CHN2: variants seen among roughly 807,000 people sequenced by gnomAD.
The protein encoded by CHN2 is chimerin 2.
A neutral mutation model predicts 56.3 loss-of-function variants in CHN2; 35 were observed. The ratio of observed to expected loss-of-function variants is 0.62; its 90% CI spans 0.47 to 0.82. The LOEUF is 0.82. Among genes scored for constraint, CHN2 ranks in the 40% least tolerant of loss-of-function variants. CHN2 has a pLI of 0.00. For missense variants in CHN2, 491 were observed against 580.5 expected, an observed-to-expected ratio of 0.85 and a Z score of 1.58; for synonymous variants, 210 against 212.8, an observed-to-expected ratio of 0.99 and a Z score of 0.12.
chr7:29,330,375 G>A (rs1046098504), intron 1 of CHN2, among the ~76,000 whole-genome samples: 1 of 152,172 alleles, frequency 6.6e-6, no homozygotes, highest in African/African-American at 2.4e-5. Flanking sequence ...TTCTGTGTGA[G>A]TACAGTTGGG....
Position 29,504,802 on chromosome 7 carries a change from CA to C in CHN2, c.976del (p.Met326TrpfsTer20). 2 of 1,612,666 alleles carry C rather than the reference CA, an allele frequency of 1.2e-6. No homozygotes were observed. The highest frequency in any genetic ancestry group is 1.7e-6 in the Non-Finnish European group (2 of 1,179,272). On this transcript the variant is annotated frameshift_variant, in exon 10 of 13. Coordinates refer to ENST00000222792, the MANE Select transcript of CHN2 (RefSeq NM_004067.4). LOFTEE classifies it high-confidence loss of function. ...SGFTEHIEDV[K>X]MAFDRDGEKA... ...GGTTCACTGAACACATTGAAGATGT[CA>C]AAATGGCATTTGACAGAGGTAAGCT...
intron 1 of CHN2, among the ~76,000 whole-genome samples, chr7:29,342,328 C>T (rs956892692): frequency 2.0e-5 from 3 of 152,214 alleles, no homozygotes; most frequent in African/African-American, 4.8e-5. Context: ...TCTGGAATAA[C>T]CAGGCACTTA....
Position 29,400,889 on chromosome 7 carries a change from T to C in CHN2, c.576+61T>C. The stretch of plus-strand genomic sequence containing the variant: ...AATCCATGCCGCATCAACAGGCGGG[T>C]TAACTATAGGTGCGATTTGCTGAAA... On this transcript the variant is annotated intron_variant, in intron 6 of 12. Coordinates refer to ENST00000222792, the MANE Select transcript of CHN2 (RefSeq NM_004067.4). 10 of 1,543,220 alleles carry C rather than the reference T, an allele frequency of 6.5e-6. No individual in the cohort carries two copies. In the South Asian group the frequency reaches 7.3e-5, roughly 11 times the overall value.
intron 2 of CHN2, among the ~76,000 whole-genome samples, chr7:29,170,761 C>G (rs1796493707): frequency 6.6e-6 from 1 of 152,160 alleles, no homozygotes; most frequent in Admixed American, 6.6e-5. Context: ...TTTAATTGGA[C>G]TTATAGTTCC....
chr7:29,438,539 G>A (rs1215947427), intron 6 of CHN2, among the ~76,000 whole-genome samples: 1 of 151,910 alleles, frequency 6.6e-6, no homozygotes, highest in African/African-American at 2.4e-5. Flanking sequence ...AAACAACTCT[G>A]CAATGAACAT....
chr7:29,405,687 G>A (rs1056084146), intron 6 of CHN2, among the ~76,000 whole-genome samples: 1 of 152,096 alleles, frequency 6.6e-6, no homozygotes, highest in African/African-American at 2.4e-5. Context: ...AACCTTACTG[G>A]GTTGTCCTTT....
rs1307397728 is a variant in CHN2, at chr7:29,393,728, CTTT to C, written c.176+19_176+21del. ...GGAAGAGAGTATGTATTATACTATT[CTTT>C]GTTTTAATAATTTAATAAGTAGTCA... On this transcript the variant is annotated intron_variant, in intron 4 of 12. Transcript: ENST00000222792. 1.3e-6 allele frequency: 1 copy of C among 799,004 alleles called. No individual in the cohort carries two copies. The highest frequency in any genetic ancestry group is 1.8e-6 in the Non-Finnish European group (1 of 542,870). The allele number at this position is 799,004 out of a possible 1,614,324, so 49.5% of individuals were successfully genotyped here.
At chr7:29,403,893 A>G (rs539674600) in intron 6 of CHN2, among the ~76,000 whole-genome samples, 1 of 152,352 alleles carries the variant, frequency 6.6e-6, no homozygotes, top group Admixed American at 6.5e-5. Context: ...CAACAAAGGA[A>G]TAACAGGAGA....
intron 3 of CHN2, among the ~76,000 whole-genome samples, chr7:29,379,538 A>G (rs988391206): frequency 1.3e-5 from 2 of 152,270 alleles, no homozygotes; most frequent in African/African-American, 4.8e-5. Context: ...GAGGAATGAA[A>G]AAATATATAT....
intron 1 of CHN2, among the ~76,000 whole-genome samples, chr7:29,299,251 T>C (rs1333652948): frequency 6.6e-6 from 1 of 152,208 alleles, no homozygotes; most frequent in East Asian, 1.9e-4. Context: ...GCTGTCTTAC[T>C]AAGGAACATA....
At chr7:29,177,158 C>G (rs1254569137) in intron 2 of CHN2, among the ~76,000 whole-genome samples, 1 of 152,116 alleles carries the variant, frequency 6.6e-6, no homozygotes, top group Non-Finnish European at 1.5e-5. Flanking sequence ...AAACTTATTC[C>G]TTTCTAATCT....
intron 6 of CHN2, among the ~76,000 whole-genome samples, chr7:29,421,625 T>C (rs984287678): frequency 6.6e-6 from 1 of 152,230 alleles, no homozygotes; most frequent in Non-Finnish European, 1.5e-5. Flanking sequence ...GGCAGGAACA[T>C]TCTAGCTCAG....
intron 2 of CHN2, among the ~76,000 whole-genome samples, chr7:29,153,933 A>G (rs1793983525): frequency 6.6e-6 from 1 of 152,146 alleles, no homozygotes; most frequent in Non-Finnish European, 1.5e-5. Flanking sequence ...ATAATATAGT[A>G]TATAATATGT....
intron 6 of CHN2, among the ~76,000 whole-genome samples, chr7:29,410,254 T>C (rs1212144535): frequency 2.0e-5 from 3 of 152,132 alleles, no homozygotes; most frequent in Non-Finnish European, 2.9e-5. Context: ...GTAGGAACAG[T>C]GTTGGTAGAT....
chr7:29,186,979 G>GA (rs1185349736), intron 2 of CHN2, among the ~76,000 whole-genome samples: 1 of 152,094 alleles, frequency 6.6e-6, no homozygotes, highest in African/African-American at 2.4e-5. Flanking sequence ...TCCCCAAATG[G>GA]AAAATGAGGA....
intron 6 of CHN2, among the ~76,000 whole-genome samples, chr7:29,433,349 C>T (rs1453795275): frequency 1.3e-5 from 2 of 152,004 alleles, no homozygotes; most frequent in African/African-American, 4.8e-5. Flanking sequence ...AAGGACTGGG[C>T]TGAAGGGAGT....
chr7:29,259,555 T>C (rs76027941), intron 1 of CHN2, among the ~76,000 whole-genome samples: 4,565 of 152,250 alleles, frequency 0.03, 239 homozygotes, highest in African/African-American at 0.1. Context: ...ATGTCATATG[T>C]ATACACATCT....
chr7:29,512,638 G>A lies in CHN2; in HGVS notation c.1310G>A (p.Arg437Lys). Residue 437 changes from arginine to lysine, a missense_variant, in exon 13 of 13, where the codon AGG becomes AAG. Arg to Lys is a conservative substitution (Grantham distance 26). Coordinates refer to ENST00000222792, the MANE Select transcript of CHN2 (RefSeq NM_004067.4). ...ATCGTGTTTGGGCCCACTCTGATGA[G>A]GCCCCCTGAGGACAGCACCCTGACC... ...LGIVFGPTLM[R>K]PPEDSTLTTL... is the part of the protein sequence containing the mutation. 1 of 1,614,112 alleles carries A rather than the reference G, an allele frequency of 6.2e-7. No homozygotes were observed. The highest frequency in any genetic ancestry group is 8.5e-7 in the Non-Finnish European group (1 of 1,180,000).
At chr7:29,234,676 T>A (rs1183335090) in intron 1 of CHN2, among the ~76,000 whole-genome samples, 1 of 152,198 alleles carries the variant, frequency 6.6e-6, no homozygotes, top group Admixed American at 6.5e-5. Context: ...AACTGAAACT[T>A]TAAAATTTTC....
Sources: allele counts gnomAD v4.1 joint callset (sites outside exome capture counted in the v4.1 genomes callset), GRCh38; gene constraint gnomAD v4.1.1; transcripts MANE v1.5; gene names NCBI Gene and HGNC (gene_info 2026-07-23, HGNC 2026-07-21).